HCN1: variants seen among roughly 807,000 people sequenced by gnomAD.
HCN1 encodes potassium/sodium hyperpolarization-activated cyclic nucleotide-gated channel 1.
Under a neutral mutation model 78.9 loss-of-function variants are expected in HCN1, and 13 were observed. The ratio of observed to expected loss-of-function variants is 0.16; its 90% confidence interval spans 0.11 to 0.26. HCN1 has a LOEUF of 0.26. Ranked by LOEUF, HCN1 falls within the 10% of genes least tolerant of loss-of-function variation. The pLI, the probability that HCN1 is intolerant of heterozygous loss-of-function variation, is 1.00. For synonymous variants in HCN1, 552 were observed against 455.5 expected (o/e 1.21, Z -2.70); for missense variants, 810 against 1,154.3 (o/e 0.70, Z 4.32).
chr5:45,676,892 G>A (rs1746276480), intron 1 of HCN1, among the ~76,000 whole-genome samples: 1 of 151,788 alleles, frequency 6.6e-6, no homozygotes, highest in Non-Finnish European at 1.5e-5. Flanking sequence ...CCTACCATCT[G>A]TCGATCAGCT....
intron 1 of HCN1, among the ~76,000 whole-genome samples, chr5:45,650,821 T>A (rs1745664617): frequency 6.6e-6 from 1 of 151,906 alleles, no homozygotes; most frequent in East Asian, 1.9e-4. Context: ...TTAAGGCTTG[T>A]GGTAAGGAGA....
At chr5:45,420,142 T>C (rs1050052548) in intron 3 of HCN1, among the ~76,000 whole-genome samples, 4 of 152,164 alleles carry the variant, frequency 2.6e-5, no homozygotes, top group Non-Finnish European at 5.9e-5. Flanking sequence ...GGATCTGAAG[T>C]TTCTTTTTGC....
intron 1 of HCN1, among the ~76,000 whole-genome samples, chr5:45,680,781 G>T (rs897441244): frequency 6.6e-6 from 1 of 151,912 alleles, no homozygotes; most frequent in African/African-American, 2.4e-5. Context: ...AATAGGGTTG[G>T]TAAAATTATG....
intron 5 of HCN1, among the ~76,000 whole-genome samples, chr5:45,352,381 G>C (rs971306444): frequency 6.6e-6 from 1 of 151,720 alleles, no homozygotes; most frequent in African/African-American, 2.4e-5. Flanking sequence ...GTTGTGCAGT[G>C]GGGGGAGGGG....
intron 2 of HCN1, among the ~76,000 whole-genome samples, chr5:45,538,652 G>C (rs1268157130): frequency 1.3e-5 from 2 of 152,044 alleles, no homozygotes; most frequent in East Asian, 3.9e-4. Flanking sequence ...GTTTTTAAAA[G>C]AGCTGTAAGA....
chr5:45,664,321 G>C (rs1199441909), intron 1 of HCN1, among the ~76,000 whole-genome samples: 1 of 135,720 alleles, frequency 7.4e-6, no homozygotes, highest in Non-Finnish European at 1.6e-5. Context: ...GGTCGGGGGA[G>C]GGGGAGGGAT....
chr5:45,310,284 C>G (rs985099050), intron 5 of HCN1, among the ~76,000 whole-genome samples: 4 of 151,924 alleles, frequency 2.6e-5, no homozygotes, highest in African/African-American at 9.7e-5. Flanking sequence ...TGCCTAATAT[C>G]CAGCATCTAT....
At chr5:45,363,671 T>C (rs1321096868) in intron 4 of HCN1, among the ~76,000 whole-genome samples, 1 of 151,986 alleles carries the variant, frequency 6.6e-6, no homozygotes, top group East Asian at 1.9e-4. Flanking sequence ...CAGGGGGTGG[T>C]AATTAAATCA....
intron 2 of HCN1, chr5:45,559,880 T>C (rs1743558979): frequency 6.6e-6 from 1 of 152,172 alleles, no homozygotes. Flanking sequence ...ATTGTTGTCT[T>C]ATTTTAAGAA....
chr5:45,504,784 T>C (rs921052742), intron 2 of HCN1, among the ~76,000 whole-genome samples: 6 of 152,338 alleles, frequency 3.9e-5, no homozygotes, highest in South Asian at 2.1e-4. Context: ...TTTTTAATGA[T>C]TGTCATTCCA....
intron 1 of HCN1, among the ~76,000 whole-genome samples, chr5:45,646,774 A>G (rs1454366718): frequency 6.6e-6 from 1 of 152,170 alleles, no homozygotes; most frequent in Non-Finnish European, 1.5e-5. Context: ...TATAGTTGTT[A>G]CAGTATATAC....
intron 2 of HCN1, among the ~76,000 whole-genome samples, chr5:45,584,383 T>A (rs927861658): frequency 6.6e-6 from 1 of 152,204 alleles, no homozygotes; most frequent in African/African-American, 2.4e-5. Context: ...ATTGGCTTGG[T>A]AGATCTTCCT....
chr5:45,288,529 C>T (rs1471294337), intron 6 of HCN1, among the ~76,000 whole-genome samples: 7 of 152,044 alleles, frequency 4.6e-5, no homozygotes, highest in African/African-American at 1.2e-4. Context: ...CTGGGTGTTA[C>T]ACATGTTAGG....
chr5:45,373,051 A>G (rs2112009947), intron 4 of HCN1, among the ~76,000 whole-genome samples: 1 of 136,374 alleles, frequency 7.3e-6, no homozygotes, highest in East Asian at 2.2e-4. Flanking sequence ...ATAAAATATA[A>G]TATATATAAA....
intron 4 of HCN1, among the ~76,000 whole-genome samples, chr5:45,374,131 T>TATTATATACATATTATATATAATATAC (rs1561130270): frequency 2.9e-4 from 32 of 111,114 alleles, no homozygotes; most frequent in Non-Finnish European, 5.1e-4. Flanking sequence ...ATATAATATA[T>TATTATATACATATTATATATAATATAC]ATTATATACA....
intron 3 of HCN1, among the ~76,000 whole-genome samples, chr5:45,457,414 G>A (rs947332408): frequency 1.3e-5 from 2 of 152,018 alleles, no homozygotes; most frequent in Admixed American, 6.6e-5. Flanking sequence ...AATCTTATTA[G>A]AAAGTAATTA....
intron 6 of HCN1, among the ~76,000 whole-genome samples, chr5:45,286,675 G>T (rs981057163): frequency 8.6e-5 from 13 of 151,676 alleles, no homozygotes; most frequent in African/African-American, 3.1e-4. Context: ...CATTTCTTTG[G>T]GGTACAACCA....
chr5:45,425,933 T>A (rs574161535), intron 3 of HCN1, among the ~76,000 whole-genome samples: 9 of 152,250 alleles, frequency 5.9e-5, no homozygotes, highest in African/African-American at 2.2e-4. Context: ...ATAAAAAGCA[T>A]ATAACAAACT....
chr5:45,317,056 A>G (rs976701498), intron 5 of HCN1, among the ~76,000 whole-genome samples: 3 of 152,000 alleles, frequency 2.0e-5, no homozygotes, highest in South Asian at 2.1e-4. Flanking sequence ...AAAAATTGGG[A>G]AAAAAACTAC....
Sources: gnomAD v4.1 joint callset for allele counts (sites outside exome capture counted in the v4.1 genomes callset) on GRCh38, gnomAD v4.1.1 for gene constraint, MANE v1.5 for transcripts, NCBI Gene and HGNC (gene_info 2026-07-23, HGNC 2026-07-21) for gene names.